Variants in XRCC6 observed in about 807,000 individuals in gnomAD.
XRCC6 encodes the protein X-ray repair cross complementing 6.
A neutral mutation model predicts 65.7 loss-of-function variants in XRCC6; 5 were observed. The observed-to-expected ratio is 0.08, with a 90% CI of 0.04 to 0.16. XRCC6 has a LOEUF of 0.16. Ranked by LOEUF, XRCC6 falls within the 10% of genes least tolerant of loss-of-function variation. XRCC6 has a pLI of 1.00. For synonymous variants in XRCC6, 270 were observed against 270.6 expected (o/e 1.00, Z 0.02); for missense variants, 447 against 738.1 (o/e 0.61, Z 4.57).
chr22:41,623,541 C>A (rs1405059363), intron 2 of XRCC6, among the ~76,000 whole-genome samples: 1 of 151,882 alleles, frequency 6.6e-6, no homozygotes, highest in Non-Finnish European at 1.5e-5. Context: ...GCGCCCACCA[C>A]CACGCCCGGC....
intron 12 of XRCC6, among the ~76,000 whole-genome samples, chr22:41,662,430 T>C (rs189912924): frequency 5.1e-4 from 78 of 152,308 alleles, no homozygotes; most frequent in African/African-American, 1.8e-3. Context: ...CCAACATACA[T>C]ATTTCAGCAC....
At chr22:41,659,413 G>T (rs2068079245) in intron 11 of XRCC6, among the ~76,000 whole-genome samples, 1 of 151,918 alleles carries the variant, frequency 6.6e-6, no homozygotes, top group Non-Finnish European at 1.5e-5. Context: ...GGTTTCACTG[G>T]GTTAGGATGG....
At chr22:41,626,281 T>G (rs2067671004) in intron 2 of XRCC6, among the ~76,000 whole-genome samples, 1 of 150,974 alleles carries the variant, frequency 6.6e-6, no homozygotes. Context: ...TAGCTGGGAT[T>G]ACAGGCATGC....
At chr22:41,627,875 A>G (rs2067695796) in intron 2 of XRCC6, among the ~76,000 whole-genome samples, 1 of 152,062 alleles carries the variant, frequency 6.6e-6, no homozygotes, top group Non-Finnish European at 1.5e-5. Flanking sequence ...ACCCTATCTC[A>G]GAAAAAAAAG....
chr22:41,622,473 A>G (rs2067619702), intron 2 of XRCC6, among the ~76,000 whole-genome samples: 1 of 152,174 alleles, frequency 6.6e-6, no homozygotes, highest in Non-Finnish European at 1.5e-5. Flanking sequence ...AATAAACGCA[A>G]GCAACACAGT....
At chr22:41,660,656 T>C (rs1294703206) in intron 11 of XRCC6, among the ~76,000 whole-genome samples, 2 of 152,168 alleles carry the variant, frequency 1.3e-5, no homozygotes, top group Non-Finnish European at 2.9e-5. Context: ...TGTCACCTGC[T>C]ATTTCTCTCC....
At chr22:41,638,230 C>T (rs1182242297) in intron 6 of XRCC6, among the ~76,000 whole-genome samples, 1 of 151,358 alleles carries the variant, frequency 6.6e-6, no homozygotes, top group African/African-American at 2.5e-5. Context: ...CTTAGCTGTA[C>T]TCACTAGTAC....
chr22:41,649,139 A>AAAAAATATATATATATATAT, intron 7 of XRCC6, among the ~76,000 whole-genome samples: 7 of 88,726 alleles, frequency 7.9e-5, no homozygotes, highest in Admixed American at 1.7e-4. Flanking sequence ...AAAAAAAAAA[A>AAAAAATATATATATATATAT]ATATATATAT....
At chr22:41,621,885 C>T in intron 1 of XRCC6, 105 bp from the exon 2 acceptor site, 3 of 1,092,658 alleles carry the variant, frequency 2.7e-6, no homozygotes, top group South Asian at 2.8e-5. Context: ...CGTCCACATT[C>T]CTCACTACTA....
chr22:41,657,662 C>G (rs1389941387), intron 10 of XRCC6, among the ~76,000 whole-genome samples: 2 of 150,872 alleles, frequency 1.3e-5, no homozygotes, highest in Non-Finnish European at 3.0e-5. Context: ...TGGGACCATA[C>G]CCTTGCACCA....
chr22:41,628,965 CAAAAAAAAAAAA>C (rs11413169), intron 3 of XRCC6, among the ~76,000 whole-genome samples: 2 of 62,722 alleles, frequency 3.2e-5, no homozygotes, highest in Admixed American at 2.9e-4. Context: ...GACTCTGTCT[CAAAAAAAAAAAA>C]AAAAAAAAAA....
chr22:41,628,138 A>G lies in XRCC6; in HGVS notation c.103A>G (p.Arg35Gly). 1 of 1,612,648 alleles carries G rather than the reference A, an allele frequency of 6.2e-7. No homozygotes were observed. ...EASGDYKYSGRDSLIFLVDAS... is the reference protein window; with the variant it reads ...EASGDYKYSGGDSLIFLVDAS... ...CATAGGAGACTATAAATATTCAGGA[A>G]GAGATAGTTTGATTTTTTTGGTTGA... Residue 35 changes from arginine to glycine, a missense_variant, in exon 3 of 13, where the codon AGA becomes GGA. Arg to Gly is a moderately radical substitution (Grantham distance 125). Coordinates refer to ENST00000360079, the MANE Select transcript of XRCC6 (RefSeq NM_001469.5).
chr22:41,636,822 A>AT (rs1569085953), intron 5 of XRCC6, 52 bp downstream of exon 5: 2 of 1,567,048 alleles, frequency 1.3e-6, no homozygotes, highest in Non-Finnish European at 1.7e-6. Flanking sequence ...TTGTTTTTTT[A>AT]TTTTTTATTT....
chr22:41,637,536 T>G, intron 5 of XRCC6, 72 bp from the exon 6 acceptor site: 2 of 1,358,298 alleles, frequency 1.5e-6, no homozygotes, highest in African/African-American at 1.5e-5. Flanking sequence ...ATGTTTCAGT[T>G]TTAACTGAAA....
intron 7 of XRCC6, among the ~76,000 whole-genome samples, chr22:41,649,612 T>C (rs997182739): frequency 6.6e-6 from 1 of 151,608 alleles, no homozygotes; most frequent in Non-Finnish European, 1.5e-5. Flanking sequence ...CCCAGCACTT[T>C]GGGAGGCTGA....
intron 3 of XRCC6, among the ~76,000 whole-genome samples, chr22:41,634,286 G>C (rs1363250239): frequency 1.3e-5 from 2 of 150,850 alleles, no homozygotes; most frequent in African/African-American, 4.9e-5. Context: ...CCTGTGCTCA[G>C]GTGATCCTCC....
At chr22:41,641,168 A>G (rs2067871088) in intron 6 of XRCC6, among the ~76,000 whole-genome samples, 1 of 147,160 alleles carries the variant, frequency 6.8e-6, no homozygotes, top group Non-Finnish European at 1.5e-5. Context: ...GCCCGTGGTA[A>G]TTATTTATAA....
intron 6 of XRCC6, among the ~76,000 whole-genome samples, chr22:41,642,799 G>A (rs1358144159): frequency 1.3e-5 from 2 of 152,178 alleles, no homozygotes; most frequent in East Asian, 1.9e-4. Context: ...TCTCCTTCAA[G>A]CAGCCTTTAG....
At chr22:41,658,526 T>C (rs921854326) in intron 11 of XRCC6, among the ~76,000 whole-genome samples, 174 bp downstream of exon 11, 2 of 152,240 alleles carry the variant, frequency 1.3e-5, no homozygotes, top group African/African-American at 2.4e-5. Context: ...GGAACAGATT[T>C]GGCTGGTTCC....
Sources: allele counts gnomAD v4.1 joint callset (sites outside exome capture counted in the v4.1 genomes callset), GRCh38; gene constraint gnomAD v4.1.1; transcripts MANE v1.5; gene names NCBI Gene and HGNC (gene_info 2026-07-23, HGNC 2026-07-21).